Variants in NCALD observed in about 807,000 individuals in gnomAD.
NCALD encodes the protein neurocalcin delta.
A neutral mutation model predicts 18.6 loss-of-function variants in NCALD; 10 were observed. The observed-to-expected ratio is 0.54, with a 90% CI of 0.33 to 0.91. The LOEUF is 0.91. NCALD is among the 40% of genes least tolerant of loss of function. The pLI, the probability that NCALD is intolerant of heterozygous loss-of-function variation, is 0.03. For synonymous variants in NCALD, 88 were observed against 87.4 expected, an observed-to-expected ratio of 1.01 and a Z score of -0.04; for missense variants, 184 against 247.6, an observed-to-expected ratio of 0.74 and a Z score of 1.72.
intron 2 of NCALD, among the ~76,000 whole-genome samples, chr8:101,919,203 T>C (rs1353938461): frequency 1.3e-5 from 2 of 152,024 alleles, no homozygotes; most frequent in South Asian, 4.1e-4. Context: ...TGGAACAGAA[T>C]AGAGAACACA....
chr8:102,032,932 C>A (rs147749034), intron 1 of NCALD, among the ~76,000 whole-genome samples: 1 of 152,122 alleles, frequency 6.6e-6, no homozygotes, highest in South Asian at 2.1e-4. Flanking sequence ...GTTCACCCTG[C>A]GAACAGCAGG....
chr8:102,027,291 C>A (rs1822493202), intron 1 of NCALD, among the ~76,000 whole-genome samples: 1 of 152,226 alleles, frequency 6.6e-6, no homozygotes. Context: ...TTTTTATGAT[C>A]TGTTTCCTCT....
At chr8:102,073,364 G>A (rs952029844) in intron 1 of NCALD, among the ~76,000 whole-genome samples, 1 of 152,076 alleles carries the variant, frequency 6.6e-6, no homozygotes. Context: ...TTATATAAAA[G>A]AAAGCTCACA....
In NCALD at chr8:102,108,107, G is replaced by A. The variant is rs533293451; in HGVS notation, c.-210+16130C>T. Among the ~76,000 whole-genome samples the A allele has an allele frequency of 2.0e-5, 3 of 152,314 alleles. No individual in the cohort carries two copies. In the South Asian group the frequency reaches 6.2e-4, roughly 32 times the overall value. ...ATGGGGGAGGGAAGGAGACTTGGCTGAGACTTGGGCAGGCCAGCTCCCCCG... is the reference window on the plus strand; with the variant it reads ...ATGGGGGAGGGAAGGAGACTTGGCTAAGACTTGGGCAGGCCAGCTCCCCCG... On this transcript the variant is annotated intron_variant, in intron 1 of 6. Transcript: ENST00000311028.
At chr8:102,005,557 G>T (rs1435778123) in intron 2 of NCALD, among the ~76,000 whole-genome samples, 2 of 152,120 alleles carry the variant, frequency 1.3e-5, no homozygotes, top group African/African-American at 2.4e-5. Context: ...AAATCATGCT[G>T]CTATAAAGAC....
At chr8:102,109,251 G>GA (rs202069609) in intron 1 of NCALD, among the ~76,000 whole-genome samples, 2,635 of 150,632 alleles carry the variant, frequency 0.017, 102 homozygotes, top group African/African-American at 0.06. Flanking sequence ...GTTTATAGCT[G>GA]AAAAAAATGT....
chr8:101,788,219 C>A (rs533934206), intron 1 of NCALD, among the ~76,000 whole-genome samples: 7 of 152,312 alleles, frequency 4.6e-5, no homozygotes, highest in Admixed American at 2.0e-4. Context: ...GTTCTATCAC[C>A]TTTTGGCATC....
intron 1 of NCALD, among the ~76,000 whole-genome samples, chr8:102,121,254 A>G (rs1315732884): frequency 6.6e-6 from 1 of 152,190 alleles, no homozygotes; most frequent in African/African-American, 2.4e-5. Flanking sequence ...CTTTAAAAAT[A>G]TAAAGCTCAT....
intron 4 of NCALD, among the ~76,000 whole-genome samples, chr8:101,817,516 G>A (rs1472100847): frequency 6.6e-6 from 1 of 151,810 alleles, no homozygotes; most frequent in Non-Finnish European, 1.5e-5. Context: ...CATAAATAAT[G>A]CAGGTGCCCA....
chr8:101,878,746 C>A (rs1031680982), intron 4 of NCALD, among the ~76,000 whole-genome samples: 5 of 152,114 alleles, frequency 3.3e-5, no homozygotes, highest in African/African-American at 1.2e-4. Flanking sequence ...TTCTTATTTT[C>A]TGTTATAAGT....
chr8:102,049,545 G>A (rs2132213583), intron 1 of NCALD, among the ~76,000 whole-genome samples: 1 of 152,170 alleles, frequency 6.6e-6, no homozygotes, highest in Middle Eastern at 3.4e-3. Context: ...TGATTCATTT[G>A]GGCAAATACC....
chr8:102,067,952 G>A (rs1006526297), intron 1 of NCALD, among the ~76,000 whole-genome samples: 11 of 152,004 alleles, frequency 7.2e-5, no homozygotes, highest in Admixed American at 2.0e-4. Flanking sequence ...CTCCCCCTTC[G>A]CTCTGTTCTG....
At chr8:101,964,883 A>T (rs750629749) in intron 2 of NCALD, among the ~76,000 whole-genome samples, 24 of 152,098 alleles carry the variant, frequency 1.6e-4, no homozygotes, top group Admixed American at 3.9e-4. Context: ...AGGAAGAATG[A>T]CTCCAAAAGG....
At chr8:102,004,426 A>G (rs1821612069) in intron 2 of NCALD, among the ~76,000 whole-genome samples, 1 of 152,140 alleles carries the variant, frequency 6.6e-6, no homozygotes, top group South Asian at 2.1e-4. Context: ...GGTAGGAAGA[A>G]TCAATATTGT....
At chr8:101,976,055 C>T (rs1272309578) in intron 2 of NCALD, among the ~76,000 whole-genome samples, 1 of 152,130 alleles carries the variant, frequency 6.6e-6, no homozygotes, top group Non-Finnish European at 1.5e-5. Flanking sequence ...GTTCGCTATA[C>T]TCCATTACCA....
chr8:101,980,023 CA>C (rs1033243387), intron 2 of NCALD, among the ~76,000 whole-genome samples: 1 of 151,516 alleles, frequency 6.6e-6, no homozygotes, highest in African/African-American at 2.4e-5. Flanking sequence ...CTCTGAGGGG[CA>C]AAAACACAGT....
intron 1 of NCALD, among the ~76,000 whole-genome samples, chr8:102,046,131 G>A (rs1286007367): frequency 6.6e-6 from 1 of 152,180 alleles, no homozygotes; most frequent in Admixed American, 6.6e-5. Flanking sequence ...TTGGCTGGAT[G>A]TGGCCTGAAA....
intron 2 of NCALD, among the ~76,000 whole-genome samples, chr8:101,709,248 A>C (rs956946609): frequency 1.3e-5 from 2 of 152,148 alleles, no homozygotes; most frequent in African/African-American, 2.4e-5. Context: ...TATGGTGTAC[A>C]CCCTACGGAG....
At chr8:102,050,918 AT>A (rs1823434530) in intron 1 of NCALD, among the ~76,000 whole-genome samples, 1 of 147,128 alleles carries the variant, frequency 6.8e-6, no homozygotes. Flanking sequence ...ATATAAGTAT[AT>A]AATTTATATA....
Sources: gnomAD v4.1 joint callset for allele counts (sites outside exome capture counted in the v4.1 genomes callset) on GRCh38, gnomAD v4.1.1 for gene constraint, MANE v1.5 for transcripts, NCBI Gene and HGNC (gene_info 2026-07-23, HGNC 2026-07-21) for gene names.